The following STK3 variants were observed in gnomAD, a reference collection of about 807,000 sequenced individuals.
STK3 encodes serine/threonine kinase 3.
Under a neutral mutation model 58.0 loss-of-function variants are expected in STK3, and 41 were observed. That is an observed-to-expected ratio of 0.71 (90% CI 0.55 to 0.92). The LOEUF (loss-of-function observed/expected upper bound fraction) is 0.92, where lower values mean the gene tolerates loss of function less well. Ranked by LOEUF, STK3 falls within the 40% of genes least tolerant of loss-of-function variation. The pLI is 0.00. For missense variants in STK3, 479 were observed against 602.7 expected, an observed-to-expected ratio of 0.79 and a Z score of 2.15; for synonymous variants, 170 against 191.0, an observed-to-expected ratio of 0.89 and a Z score of 0.91.
chr8:98,741,627 C>A (rs1453326621), intron 4 of STK3, among the ~76,000 whole-genome samples: 1 of 152,044 alleles, frequency 6.6e-6, no homozygotes, highest in Non-Finnish European at 1.5e-5. Context: ...GCACTAAATG[C>A]CCACAAGAGA....
chr8:98,692,786 A>T (rs1824507970), intron 6 of STK3, among the ~76,000 whole-genome samples: 1 of 151,964 alleles, frequency 6.6e-6, no homozygotes, highest in African/African-American at 2.4e-5. Context: ...TACTTATACT[A>T]TATAAATGTT....
intron 9 of STK3, among the ~76,000 whole-genome samples, chr8:98,536,575 A>T (rs1341399524): frequency 6.6e-6 from 1 of 152,084 alleles, no homozygotes; most frequent in Non-Finnish European, 1.5e-5. Flanking sequence ...ATGGCTAGAG[A>T]TCCTACATTT....
chr8:98,734,577 A>T (rs1383922856), intron 4 of STK3, among the ~76,000 whole-genome samples: 1 of 152,210 alleles, frequency 6.6e-6, no homozygotes, highest in African/African-American at 2.4e-5. Context: ...TAGCTTTACA[A>T]TTATGTAAAG....
Position 98,800,678 on chromosome 8 carries a change from C to T in STK3, c.26+24837G>A, listed in dbSNP as rs980037476. Among the ~76,000 whole-genome samples, 2 of 152,208 alleles carry T rather than the reference C, an allele frequency of 1.3e-5. No homozygotes were observed. The highest frequency in any genetic ancestry group is 4.1e-4 in the South Asian group (2 of 4,834). ...GTGTGGGCTTGATGGGCCCCGCACT[C>T]AGAGTGGCCAGCTGATGCCGCCAGC... is the stretch of plus-strand genomic sequence containing the variant. On this transcript the variant is annotated intron_variant, in intron 1 of 10. Coordinates refer to ENST00000419617, the MANE Select transcript of STK3 (RefSeq NM_006281.4). This position sits in a 1 kb window ranked among gnomAD's most constrained non-coding sequence, Gnocchi z 4.8.
In STK3 at chr8:98,774,677, CATATA is replaced by C. The variant is rs749193448; in HGVS notation, c.107+57_107+61del. ...TATACTCTAGTTGAAAGATTAACAT[CATATA>C]ATATTTTTTAAATTGTTCTGAAATT... On this transcript the variant is annotated intron_variant, in intron 2 of 10. Coordinates refer to ENST00000419617, the MANE Select transcript of STK3 (RefSeq NM_006281.4). 576 of 1,165,930 alleles carry C rather than the reference CATATA, an allele frequency of 4.9e-4. 1 individual carries two copies. Among genetic ancestry groups the C allele is most frequent in the Non-Finnish European group, 4.5e-4 (375 of 824,230 alleles). 72.2% of individuals were successfully genotyped at this position (1,165,930 alleles called of 1,614,324 possible).
chr8:98,390,704 A>G (rs553980655), upstream of STK3, among the ~76,000 whole-genome samples: 1 of 151,712 alleles, frequency 6.6e-6, no homozygotes, highest in Admixed American at 6.6e-5. Flanking sequence ...GTGCTGTGTG[A>G]TAGGTCTCTA....
chr8:98,623,066 AAAAG>A (rs535301405), intron 6 of STK3, among the ~76,000 whole-genome samples: 183 of 152,312 alleles, frequency 1.2e-3, no homozygotes, highest in Non-Finnish European at 1.9e-3. Context: ...AAATACAAGA[AAAAG>A]AAAGAATGGG....
chr8:98,706,521 A>C lies in STK3; in HGVS notation c.630T>G (p.Thr210=). Reference sequence around the variant, plus strand: ...GTTTTCCTTCAGCCATTTCTATAGAAGTAATGCCAAGGGACCAGATGTCGG... The same window carrying C: ...GTTTTCCTTCAGCCATTTCTATAGACGTAATGCCAAGGGACCAGATGTCGG... The part of the protein sequence containing the change: ...CVADIWSLGI[T]SIEMAEGKPP... Residue 210 remains threonine (T), a synonymous_variant, in exon 6 of 11, where the codon ACT becomes ACG. Transcript: ENST00000419617. 1 of 1,613,952 alleles carries C rather than the reference A, an allele frequency of 6.2e-7. No individual in the cohort carries two copies. The highest frequency in any genetic ancestry group is 8.5e-7 in the Non-Finnish European group (1 of 1,179,908).
chr8:98,398,136 G>A (rs536343826), downstream of STK3, among the ~76,000 whole-genome samples: 61 of 152,274 alleles, frequency 4.0e-4, no homozygotes, highest in Non-Finnish European at 7.1e-4. Context: ...AGCAGAGAGC[G>A]AAGGGCATCA....
intron 3 of STK3, among the ~76,000 whole-genome samples, chr8:98,844,096 T>G (rs1836103782): frequency 6.6e-6 from 1 of 152,156 alleles, no homozygotes; most frequent in Non-Finnish European, 1.5e-5. Flanking sequence ...TTCAAGGCTA[T>G]GGTTGTGCCA....
chr8:98,463,089 T>A (rs1294845246), intron 10 of STK3: 1 of 152,112 alleles, frequency 6.6e-6, no homozygotes, highest in Non-Finnish European at 1.5e-5. Context: ...TTATAAAGTG[T>A]TCCACAGAAT....
At chr8:98,827,678 A>G (rs1340735332), upstream of STK3, among the ~76,000 whole-genome samples, 2 of 151,980 alleles carry the variant, frequency 1.3e-5, no homozygotes, top group Non-Finnish European at 2.9e-5. Context: ...TTTTTTTGAG[A>G]CAGGTTCTCA....
At chr8:98,918,631 G>A (rs1277769100) in intron 1 of STK3, among the ~76,000 whole-genome samples, 2 of 151,940 alleles carry the variant, frequency 1.3e-5, no homozygotes, top group Admixed American at 1.3e-4. Context: ...TAGCTGTGGT[G>A]GTGGCATGAA....
intron 4 of STK3, among the ~76,000 whole-genome samples, chr8:98,708,526 G>T (rs1826138576): frequency 6.6e-6 from 1 of 152,062 alleles, no homozygotes; most frequent in South Asian, 2.1e-4. Context: ...GACTATCAGA[G>T]GAGGGAAAAA....
chr8:98,584,561 G>A (rs570658800), intron 7 of STK3, among the ~76,000 whole-genome samples: 3,479 of 148,478 alleles, frequency 0.023, 125 homozygotes, highest in African/African-American at 0.079. Flanking sequence ...ATAAACATAC[G>A]TGTGCATGTG....
intron 3 of STK3, among the ~76,000 whole-genome samples, chr8:98,407,297 C>T (rs1371456721): frequency 1.3e-5 from 2 of 152,226 alleles, no homozygotes; most frequent in African/African-American, 4.8e-5. Context: ...GATCCCCACC[C>T]TTCCTGACTC....
At chr8:98,870,540 T>G (rs887224586) in intron 3 of STK3, among the ~76,000 whole-genome samples, 10 of 152,228 alleles carry the variant, frequency 6.6e-5, no homozygotes, top group Admixed American at 5.2e-4. Flanking sequence ...CCATTCTAAC[T>G]GGTGTGAGAT....
At chr8:98,826,568 C>A (rs1835315934), upstream of STK3, among the ~76,000 whole-genome samples, 1 of 152,224 alleles carries the variant, frequency 6.6e-6, no homozygotes, top group African/African-American at 2.4e-5. Context: ...TTCCTCCCCT[C>A]TTTGGTCCTC....
At chr8:98,807,133 G>A (rs1406034902) in intron 1 of STK3, among the ~76,000 whole-genome samples, 10 of 134,198 alleles carry the variant, frequency 7.5e-5, no homozygotes, top group African/African-American at 2.9e-4. Context: ...CAGCCTGGGC[G>A]ACAAGCGAGA....
Sources: allele counts gnomAD v4.1 joint callset (sites outside exome capture counted in the v4.1 genomes callset), GRCh38; gene constraint gnomAD v4.1.1; non-coding constraint Gnocchi (gnomAD v3.1); transcripts MANE v1.5; gene names NCBI Gene and HGNC (gene_info 2026-07-23, HGNC 2026-07-21).